The following HS6ST3 variants were observed in gnomAD, a reference collection of about 807,000 sequenced individuals.
The protein encoded by HS6ST3 is heparan-sulfate 6-O-sulfotransferase 3.
Under a neutral mutation model 36.7 loss-of-function variants are expected in HS6ST3, and 12 were observed. The ratio of observed to expected loss-of-function variants is 0.33; its 90% CI spans 0.21 to 0.53. The LOEUF (loss-of-function observed/expected upper bound fraction) is 0.53. Among genes scored for constraint, HS6ST3 ranks in the 20% least tolerant of loss-of-function variants. HS6ST3 has a pLI of 0.95. For missense variants in HS6ST3, 584 were observed against 640.9 expected, an observed-to-expected ratio of 0.91 and a Z score of 0.96; for synonymous variants, 240 against 257.5, an observed-to-expected ratio of 0.93 and a Z score of 0.65.
chr13:96,345,921 C>T (rs997718263), intron 1 of HS6ST3, among the ~76,000 whole-genome samples: 1 of 152,216 alleles, frequency 6.6e-6, no homozygotes, highest in Non-Finnish European at 1.5e-5. Context: ...TCAAAGCTGT[C>T]CTGGGCTGCA....
chr13:96,626,088 C>T (rs999858860), intron 1 of HS6ST3, among the ~76,000 whole-genome samples: 38 of 152,106 alleles, frequency 2.5e-4, no homozygotes, highest in Middle Eastern at 3.4e-3. Flanking sequence ...GTGATCCACC[C>T]GCCTCCGCCT....
chr13:96,275,203 C>G (rs1202652493), intron 1 of HS6ST3, among the ~76,000 whole-genome samples: 1 of 152,152 alleles, frequency 6.6e-6, no homozygotes, highest in Non-Finnish European at 1.5e-5. Flanking sequence ...GGGTTCCTTT[C>G]CATGTTTGAT....
chr13:96,156,665 C>T (rs1322740034), intron 1 of HS6ST3, among the ~76,000 whole-genome samples: 1 of 152,084 alleles, frequency 6.6e-6, no homozygotes, highest in East Asian at 1.9e-4. Flanking sequence ...TTTATCAACT[C>T]CACTAACTTT....
chr13:96,372,215 T>A (rs1373555588), intron 1 of HS6ST3, among the ~76,000 whole-genome samples: 1 of 152,200 alleles, frequency 6.6e-6, no homozygotes, highest in Non-Finnish European at 1.5e-5. Context: ...TGATCTTGAT[T>A]TGAATTTCTC....
At chr13:96,524,294 C>T (rs995493043) in intron 1 of HS6ST3, among the ~76,000 whole-genome samples, 1 of 152,138 alleles carries the variant, frequency 6.6e-6, no homozygotes. Flanking sequence ...GAGATGTCTC[C>T]CAGTCAGGCT....
chr13:96,593,935 A>G (rs2056392484), intron 1 of HS6ST3, among the ~76,000 whole-genome samples: 1 of 150,156 alleles, frequency 6.7e-6, no homozygotes, highest in Admixed American at 6.6e-5. Context: ...TGAAGTGAGT[A>G]TCTTGTAGGC....
intron 1 of HS6ST3, among the ~76,000 whole-genome samples, chr13:96,298,634 C>A (rs2054866792): frequency 6.6e-6 from 1 of 152,184 alleles, no homozygotes; most frequent in African/African-American, 2.4e-5. Flanking sequence ...GATAAAGCAG[C>A]ACCCAAATTG....
chr13:96,703,457 T>C (rs902233259), intron 1 of HS6ST3, among the ~76,000 whole-genome samples: 17 of 152,226 alleles, frequency 1.1e-4, no homozygotes, highest in Non-Finnish European at 2.4e-4. Flanking sequence ...TGTGCTCTCA[T>C]CAGAGGCACT....
At chr13:96,269,787 A>T (rs974800100) in intron 1 of HS6ST3, among the ~76,000 whole-genome samples, 9 of 152,130 alleles carry the variant, frequency 5.9e-5, no homozygotes, top group African/African-American at 2.2e-4. Flanking sequence ...GATAAGCAGG[A>T]TGATCTGATG....
At chr13:96,487,032 A>G (rs2055918766) in intron 1 of HS6ST3, among the ~76,000 whole-genome samples, 1 of 152,132 alleles carries the variant, frequency 6.6e-6, no homozygotes, top group South Asian at 2.1e-4. Flanking sequence ...AAGGTAAATA[A>G]AGCTAAGATT....
At chr13:96,590,440 T>G (rs1398382879) in intron 1 of HS6ST3, among the ~76,000 whole-genome samples, 2 of 152,148 alleles carry the variant, frequency 1.3e-5, no homozygotes, top group Non-Finnish European at 2.9e-5. Context: ...TGATAATCAG[T>G]GACATTTGGC....
intron 1 of HS6ST3, among the ~76,000 whole-genome samples, chr13:96,823,005 C>G (rs1878568960): frequency 6.6e-6 from 1 of 152,180 alleles, no homozygotes; most frequent in Admixed American, 6.5e-5. Context: ...ACCAGACTGT[C>G]CTGGAATGGC....
chr13:96,736,144 A>C (rs915295230), intron 1 of HS6ST3, among the ~76,000 whole-genome samples: 1 of 152,102 alleles, frequency 6.6e-6, no homozygotes, highest in African/African-American at 2.4e-5. Context: ...GGGTGATGAA[A>C]TAATCTGTAC....
At chr13:96,636,251 C>T (rs542264849) in intron 1 of HS6ST3, among the ~76,000 whole-genome samples, 3 of 152,310 alleles carry the variant, frequency 2.0e-5, no homozygotes, top group African/African-American at 4.8e-5. Context: ...GTACAGCAAG[C>T]ACTGCCATCT....
At chr13:96,645,034 C>T (rs1027176933) in intron 1 of HS6ST3, among the ~76,000 whole-genome samples, 11 of 151,900 alleles carry the variant, frequency 7.2e-5, no homozygotes, top group African/African-American at 1.2e-4. Flanking sequence ...ACTAGATATG[C>T]GCCATGAAGA....
chr13:96,306,955 C>A (rs555223182), intron 1 of HS6ST3, among the ~76,000 whole-genome samples: 1 of 152,262 alleles, frequency 6.6e-6, no homozygotes, highest in South Asian at 2.1e-4. Context: ...AACAGATAGG[C>A]AACACTGATT....
intron 1 of HS6ST3, among the ~76,000 whole-genome samples, chr13:96,691,776 A>G (rs1457732827): frequency 6.6e-6 from 1 of 152,116 alleles, no homozygotes; most frequent in Non-Finnish European, 1.5e-5. Flanking sequence ...ATTAACTCTT[A>G]CATGAGTGCT....
chr13:96,521,405 G>C (rs1245606117), intron 1 of HS6ST3, among the ~76,000 whole-genome samples: 2 of 152,158 alleles, frequency 1.3e-5, no homozygotes, highest in Admixed American at 1.3e-4. Flanking sequence ...CTATTGATTG[G>C]AATAGTTTCA....
chr13:96,227,389 A>G (rs1728436605), intron 1 of HS6ST3, among the ~76,000 whole-genome samples: 1 of 152,206 alleles, frequency 6.6e-6, no homozygotes, highest in African/African-American at 2.4e-5. Context: ...CTATATGGCC[A>G]CGGTCAGACA....
Sources: allele counts gnomAD v4.1 joint callset (sites outside exome capture counted in the v4.1 genomes callset), GRCh38; gene constraint gnomAD v4.1.1; transcripts MANE v1.5; gene names NCBI Gene and HGNC (gene_info 2026-07-23, HGNC 2026-07-21).